FBLN5: variants seen among roughly 807,000 people sequenced by gnomAD.
FBLN5 encodes fibulin-5.
Under a neutral mutation model 61.6 loss-of-function variants are expected in FBLN5, and 24 were observed. The ratio of observed to expected loss-of-function variants is 0.39; its 90% CI spans 0.28 to 0.55. The LOEUF (loss-of-function observed/expected upper bound fraction) is 0.55. Ranked by LOEUF, FBLN5 falls within the 20% of genes least tolerant of loss-of-function variation. The pLI is 0.65. For synonymous variants in FBLN5, 213 were observed against 219.8 expected (o/e 0.97, Z 0.27); for missense variants, 470 against 594.1 (o/e 0.79, Z 2.17).
chr14:91,923,715 T>G (rs2055779377), intron 4 of FBLN5, among the ~76,000 whole-genome samples: 1 of 152,182 alleles, frequency 6.6e-6, no homozygotes, highest in Non-Finnish European at 1.5e-5. Context: ...TGATGAGTTA[T>G]GTACACCCCC....
At chr14:91,902,075 T>G (rs987899439) in intron 4 of FBLN5, among the ~76,000 whole-genome samples, 2 of 152,194 alleles carry the variant, frequency 1.3e-5, no homozygotes, top group Non-Finnish European at 2.9e-5. Context: ...CCAGAGCACT[T>G]GGTAAACATC....
chr14:91,900,510 G>A (rs1057510178), intron 4 of FBLN5, among the ~76,000 whole-genome samples: 1 of 152,108 alleles, frequency 6.6e-6, no homozygotes. Flanking sequence ...TGCCCATAGG[G>A]AGAACATTTT....
intron 4 of FBLN5, among the ~76,000 whole-genome samples, chr14:91,895,822 A>AT (rs1454587171): frequency 6.8e-6 from 1 of 146,416 alleles, no homozygotes; most frequent in East Asian, 2.0e-4. Flanking sequence ...AAAAAAAAAA[A>AT]GTTCCCTGCC....
intron 3 of FBLN5, among the ~76,000 whole-genome samples, chr14:91,937,663 C>T (rs900954636): frequency 1.3e-5 from 2 of 152,130 alleles, no homozygotes; most frequent in Admixed American, 6.5e-5. Context: ...AGCCCAGGCC[C>T]CTCACCGTGT....
intron 1 of FBLN5, among the ~76,000 whole-genome samples, chr14:91,945,445 A>G (rs1391184853): frequency 6.6e-6 from 1 of 152,240 alleles, no homozygotes; most frequent in East Asian, 1.9e-4. Context: ...AGAAATACCT[A>G]TTGGGTGCCA....
In FBLN5 at chr14:91,882,493, C is replaced by A. The variant is rs1595298048; in HGVS notation, c.862+461G>T. Among the ~76,000 whole-genome samples, 1 of 152,342 alleles carries A rather than the reference C, an allele frequency of 6.6e-6. No individual in the cohort carries two copies. The highest frequency in any genetic ancestry group is 2.1e-4 in the South Asian group (1 of 4,828). On this transcript the variant is annotated intron_variant, in intron 8 of 10. Coordinates refer to ENST00000342058, the MANE Select transcript of FBLN5 (RefSeq NM_006329.4). This position sits in a 1 kb window ranked among gnomAD's most constrained non-coding sequence, Gnocchi z 4.9. The stretch of plus-strand genomic sequence containing the variant: ...GGTCCCAGCCCTTGCAGGAACAGAG[C>A]AGTCAGGTGCATGAGGTCTCCCTGG...
rs1384736774 is a variant in FBLN5, at chr14:91,895,005, G to A, written c.447C>T (p.Gly149=). 1.9e-6 allele frequency: 3 copies of A among 1,614,046 alleles called. No homozygotes were observed. The highest frequency in any genetic ancestry group is 2.2e-5 in the East Asian group (1 of 44,876). ...CGTCGGTGCAGGAGCAGGTGTACCCGCCTTCAGTATTGATGCAGATCTGGG... is the reference window on the plus strand; with the variant it reads ...CGTCGGTGCAGGAGCAGGTGTACCCACCTTCAGTATTGATGCAGATCTGGG... The part of the protein sequence containing the change: ...NPTQICINTE[G]GYTCSCTDGY... The change falls in exon 5 of 11, where the codon GGC becomes GGT. Residue 149 remains glycine (G), a synonymous_variant. Coordinates refer to ENST00000342058, the MANE Select transcript of FBLN5 (RefSeq NM_006329.4).
At chr14:91,917,575 CAAAAAAAAAAAAAA>C (rs34458933) in intron 4 of FBLN5, among the ~76,000 whole-genome samples, 4 of 63,468 alleles carry the variant, frequency 6.3e-5, no homozygotes, top group East Asian at 1.1e-3. Context: ...GACTCCATCT[CAAAAAAAAAAAAAA>C]AAAAAAAAAA....
At chr14:91,917,560 A>T (rs1157448980) in intron 4 of FBLN5, among the ~76,000 whole-genome samples, 4 of 123,884 alleles carry the variant, frequency 3.2e-5, no homozygotes, top group African/African-American at 6.1e-5. Flanking sequence ...TGGGTGACAG[A>T]GTGAGACTCC....
chr14:91,895,015 T>C lies in FBLN5; in HGVS notation c.437A>G (p.Asn146Ser). 6.2e-7 allele frequency: 1 copy of C among 1,614,146 alleles called. No individual in the cohort carries two copies. Among genetic ancestry groups the C allele is most frequent in the Non-Finnish European group, 8.5e-7 (1 of 1,180,004 alleles). The change falls in exon 5 of 11, where the codon AAT (asparagine) becomes AGT (serine). Residue 146 changes from asparagine (N) to serine (S), a missense_variant. Physicochemically the swap from Asn to Ser is conservative, Grantham distance 46. Transcript: ENST00000342058. ...HQCNPTQICI[N>S]TEGGYTCSCT... The stretch of plus-strand genomic sequence containing the variant: ...GGAGCAGGTGTACCCGCCTTCAGTA[T>C]TGATGCAGATCTGGGTGGGGTTGCA...
At chr14:91,900,923 A>G (rs917452492) in intron 4 of FBLN5, among the ~76,000 whole-genome samples, 3 of 152,206 alleles carry the variant, frequency 2.0e-5, no homozygotes, top group African/African-American at 7.2e-5. Context: ...CAGGGGTTTC[A>G]TGGGCTATAA....
chr14:91,915,887 T>C (rs1595331782), intron 4 of FBLN5, among the ~76,000 whole-genome samples: 2 of 152,196 alleles, frequency 1.3e-5, no homozygotes, highest in Admixed American at 1.3e-4. Flanking sequence ...AGGAACAATA[T>C]CTCACTCTAT....
At chr14:91,872,331 T>C (rs975623316) in intron 10 of FBLN5, among the ~76,000 whole-genome samples, 1 of 152,132 alleles carries the variant, frequency 6.6e-6, no homozygotes, top group East Asian at 1.9e-4. Context: ...TAATGAGAGA[T>C]GCTCGCGGTC....
At chr14:91,917,211 C>A (rs1276656322) in intron 4 of FBLN5, among the ~76,000 whole-genome samples, 1 of 152,164 alleles carries the variant, frequency 6.6e-6, no homozygotes, top group African/African-American at 2.4e-5. Context: ...AAAATGAAGG[C>A]CATATGACAC....
At chr14:91,871,621 C>T (rs1321749351) in intron 10 of FBLN5, among the ~76,000 whole-genome samples, 1 of 152,140 alleles carries the variant, frequency 6.6e-6, no homozygotes, top group Non-Finnish European at 1.5e-5. Flanking sequence ...ATTTGGGAGG[C>T]CGAGGTGGGC....
At chr14:91,873,338 C>T (rs1889026160) in intron 10 of FBLN5, among the ~76,000 whole-genome samples, 2 of 152,182 alleles carry the variant, frequency 1.3e-5, no homozygotes, top group South Asian at 4.1e-4. Context: ...CTTTCCTACA[C>T]CTCTTAATTA....
At chr14:91,879,137 T>C (rs1595294776) in intron 9 of FBLN5, among the ~76,000 whole-genome samples, 1 of 152,148 alleles carries the variant, frequency 6.6e-6, no homozygotes, top group Non-Finnish European at 1.5e-5. Flanking sequence ...ATGGCCACAA[T>C]AAAGTATCAT....
At chr14:91,919,605 TA>T (rs1164091001) in intron 4 of FBLN5, among the ~76,000 whole-genome samples, 1 of 152,162 alleles carries the variant, frequency 6.6e-6, no homozygotes, top group East Asian at 1.9e-4. Context: ...GTAATTCAGT[TA>T]AAATGAGCCC....
Position 91,947,335 on chromosome 14 carries a change from C to T in FBLN5, c.-106G>A. On this transcript the variant is annotated 5_prime_UTR_variant, in exon 1 of 11. Coordinates refer to ENST00000342058, the MANE Select transcript of FBLN5 (RefSeq NM_006329.4). This position sits in a 1 kb window ranked among gnomAD's most constrained non-coding sequence, Gnocchi z 4.3. ...GCCTCCTCTGGGCCCTCGGGGCTCG[C>T]GGGTGTTTTATTCCAGAGGGGCCGA... 1 of 1,361,662 alleles carries T rather than the reference C, an allele frequency of 7.3e-7. No homozygotes were observed. The highest frequency in any genetic ancestry group is 1.0e-6 in the Non-Finnish European group (1 of 957,676). 84.3% of individuals were successfully genotyped at this position (1,361,662 alleles called of 1,614,324 possible).
Sources: allele counts gnomAD v4.1 joint callset (sites outside exome capture counted in the v4.1 genomes callset), GRCh38; gene constraint gnomAD v4.1.1; non-coding constraint Gnocchi (gnomAD v3.1); transcripts MANE v1.5; gene names NCBI Gene and HGNC (gene_info 2026-07-23, HGNC 2026-07-21).